The following DENND1A variants were observed in gnomAD, a reference collection of about 807,000 sequenced individuals.
DENND1A encodes the protein DENN domain containing 1A.
Under a neutral mutation model 113.7 loss-of-function variants are expected in DENND1A, and 51 were observed. The ratio of observed to expected loss-of-function variants is 0.45; its 90% CI spans 0.36 to 0.57. DENND1A has a LOEUF of 0.57. Among genes scored for constraint, DENND1A ranks in the 20% least tolerant of loss-of-function variants. DENND1A has a pLI of 0.00. For synonymous variants in DENND1A, 565 were observed against 570.8 expected, an observed-to-expected ratio of 0.99 and a Z score of 0.14; for missense variants, 1,258 against 1,395.9, an observed-to-expected ratio of 0.90 and a Z score of 1.57.
chr9:123,652,344 C>G lies in DENND1A; in HGVS notation c.508-221G>C, dbSNP rs1303847105. On this transcript the variant is annotated intron_variant, in intron 8 of 23. Coordinates refer to ENST00000394215, the MANE Select transcript of DENND1A (RefSeq NM_001352964.2). ...GAGGAAGGAGCCTGAGCAATTACAT[C>G]TTTGTGTGGTGATTACAACATGAGG... The G allele has an allele frequency of 2.6e-5, 12 of 464,596 alleles. No homozygotes were observed. The East Asian group carries it at 4.5e-4, about 17-fold the overall frequency. 28.8% of individuals were successfully genotyped at this position (464,596 alleles called of 1,614,324 possible).
intron 13 of DENND1A, among the ~76,000 whole-genome samples, chr9:123,536,921 A>T (rs1243437588): frequency 6.6e-6 from 1 of 152,134 alleles, no homozygotes; most frequent in African/African-American, 2.4e-5. Context: ...TTCTCATTCT[A>T]AAGTCAGGAA....
chr9:123,905,261 T>C (rs1005658697), intron 1 of DENND1A, among the ~76,000 whole-genome samples: 1 of 151,620 alleles, frequency 6.6e-6, no homozygotes, highest in Non-Finnish European at 1.5e-5. Flanking sequence ...CATGCCAAAA[T>C]GTAAAGACCA....
intron 5 of DENND1A, among the ~76,000 whole-genome samples, chr9:123,723,497 T>C (rs2067486149): frequency 6.6e-6 from 1 of 152,154 alleles, no homozygotes; most frequent in Non-Finnish European, 1.5e-5. Context: ...ATCTCATCTT[T>C]AACTGTAACT....
chr9:123,583,310 G>T (rs1388192594), intron 11 of DENND1A, 40 bp from the exon 12 acceptor site: 8 of 1,495,632 alleles, frequency 5.3e-6, no homozygotes, highest in Admixed American at 3.4e-5. Context: ...GGTCATTGAG[G>T]TGCCATCAAG....
At chr9:123,803,939 C>G (rs965069311) in intron 2 of DENND1A, among the ~76,000 whole-genome samples, 1 of 152,216 alleles carries the variant, frequency 6.6e-6, no homozygotes, top group Admixed American at 6.5e-5. Flanking sequence ...CCTTCTTTTA[C>G]TGCTAACATC....
intron 5 of DENND1A, among the ~76,000 whole-genome samples, chr9:123,739,994 A>G (rs1404266207): frequency 1.3e-5 from 2 of 152,104 alleles, no homozygotes; most frequent in Non-Finnish European, 2.9e-5. Context: ...CACATAATGT[A>G]CACAGAGGTT....
chr9:123,631,360 T>C lies in DENND1A; in HGVS notation c.619-884A>G, dbSNP rs915435690. ...TCACTATATTTATATAATAGACAAATGGTCTATTCATATTCTTAGCCCACT... is the reference window on the plus strand; with the variant it reads ...TCACTATATTTATATAATAGACAAACGGTCTATTCATATTCTTAGCCCACT... On this transcript the variant is annotated intron_variant, in intron 9 of 23. Coordinates refer to ENST00000394215, the MANE Select transcript of DENND1A (RefSeq NM_001352964.2). Among the ~76,000 whole-genome samples the C allele has an allele frequency of 3.3e-5, 5 of 152,224 alleles. No individual in the cohort carries two copies. The South Asian group carries it at 1.0e-3, about 31-fold the overall frequency.
chr9:123,506,660 C>T (rs905327662), intron 13 of DENND1A, among the ~76,000 whole-genome samples: 2 of 144,222 alleles, frequency 1.4e-5, no homozygotes, highest in Admixed American at 7.0e-5. Flanking sequence ...CTCATAACAA[C>T]TTACAGAGAT....
intron 18 of DENND1A, among the ~76,000 whole-genome samples, chr9:123,448,152 GAA>G (rs1322910412): frequency 6.6e-6 from 1 of 152,136 alleles, no homozygotes; most frequent in East Asian, 1.9e-4. Context: ...AGCTATTCTT[GAA>G]AAGACTGGCA....
rs2051763656 is a variant in DENND1A at position 123,495,141 on chromosome 9, T to TCTCTCTCTCTCTCTCTC, written c.994-37245_994-37244insGAGAGAGAGAGAGAGAG. On this transcript the variant is annotated intron_variant, in intron 13 of 23. Coordinates refer to ENST00000394215, the MANE Select transcript of DENND1A (RefSeq NM_001352964.2). Reference sequence around the variant, plus strand: ...TCTATTATGACCCATCATTGTCTCTTTCTCTCTCTCTCTCTCTCTCTCTCT... The same window carrying TCTCTCTCTCTCTCTCTC: ...TCTATTATGACCCATCATTGTCTCTTCTCTCTCTCTCTCTCTCTCTCTCTCTCTCTCTCTCTCTCTCT... 8.5e-5 allele frequency among the ~76,000 whole-genome samples: 12 copies of TCTCTCTCTCTCTCTCTC among 140,642 alleles called. 1 individual carries two copies. Among genetic ancestry groups the TCTCTCTCTCTCTCTCTC allele is most frequent in the African/African-American group, 3.1e-4 (11 of 35,496 alleles). The allele number at this position is 140,642 out of a possible 152,430, so 92.3% of individuals were successfully genotyped here.
chr9:123,629,066 T>C (rs1463821679), intron 10 of DENND1A, among the ~76,000 whole-genome samples: 1 of 152,204 alleles, frequency 6.6e-6, no homozygotes, highest in Non-Finnish European at 1.5e-5. Flanking sequence ...TAGGAGTGAC[T>C]GTGGAATGCC....
chr9:123,412,945 AGGCCAAGGT>A (rs2044426639), intron 19 of DENND1A, among the ~76,000 whole-genome samples: 1 of 152,234 alleles, frequency 6.6e-6, no homozygotes, highest in African/African-American at 2.4e-5. Context: ...GCACTTTGGG[AGGCCAAGGT>A]GGGCGGACCA....
chr9:123,869,743 A>G (rs642379), intron 2 of DENND1A, among the ~76,000 whole-genome samples: 13,133 of 152,194 alleles, frequency 0.086, 947 homozygotes, highest in African/African-American at 0.2. Context: ...GCTCATGCCT[A>G]TAATCCCAAC....
chr9:123,401,832 C>A, intron 21 of DENND1A: 3 of 1,614,204 alleles, frequency 1.9e-6, no homozygotes, highest in Non-Finnish European at 2.5e-6. Flanking sequence ...AGAGGTCCAG[C>A]CTCTCGTCGG....
intron 5 of DENND1A, among the ~76,000 whole-genome samples, chr9:123,683,245 C>T (rs1431209014): frequency 6.6e-6 from 1 of 152,058 alleles, no homozygotes; most frequent in Non-Finnish European, 1.5e-5. Context: ...CTGTATTAGA[C>T]CACTTAACAA....
chr9:123,876,095 C>A (rs541194155), intron 2 of DENND1A, among the ~76,000 whole-genome samples: 1 of 152,280 alleles, frequency 6.6e-6, no homozygotes, highest in African/African-American at 2.4e-5. Flanking sequence ...AAATACATAA[C>A]ACTTTTGAGA....
intron 10 of DENND1A, among the ~76,000 whole-genome samples, chr9:123,626,773 C>T (rs1475062181): frequency 6.6e-6 from 1 of 152,142 alleles, no homozygotes; most frequent in Non-Finnish European, 1.5e-5. Context: ...AGGAATGGGG[C>T]ACCTAAGCAC....
At chr9:123,453,869 A>G (rs2047915043) in intron 16 of DENND1A, among the ~76,000 whole-genome samples, 2 of 152,196 alleles carry the variant, frequency 1.3e-5, no homozygotes, top group African/African-American at 4.8e-5. Context: ...TCCCATTTAA[A>G]TGGTCCTTTG....
chr9:123,916,084 C>A (rs1361905285), intron 1 of DENND1A, among the ~76,000 whole-genome samples: 19 of 152,056 alleles, frequency 1.2e-4, no homozygotes, highest in Non-Finnish European at 1.5e-5. Flanking sequence ...ATACACAAGA[C>A]TATTCATTAC....
Sources: gnomAD v4.1 joint callset for allele counts (sites outside exome capture counted in the v4.1 genomes callset) on GRCh38, gnomAD v4.1.1 for gene constraint, MANE v1.5 for transcripts, NCBI Gene and HGNC (gene_info 2026-07-23, HGNC 2026-07-21) for gene names.